The following ARHGAP26 variants were observed in gnomAD, a reference collection of about 807,000 sequenced individuals.
ARHGAP26 encodes rho GTPase-activating protein 26.
A neutral mutation model predicts 104.8 loss-of-function variants in ARHGAP26; 38 were observed. That is an observed-to-expected ratio of 0.36 (90% CI 0.28 to 0.48). The LOEUF is 0.48. Ranked by LOEUF, ARHGAP26 falls within the 20% of genes least tolerant of loss-of-function variation. ARHGAP26 has a pLI of 0.99. For missense variants in ARHGAP26, 704 were observed against 947.9 expected (o/e 0.74, Z 3.38); for synonymous variants, 341 against 340.0 (o/e 1.00, Z -0.03).
chr5:142,781,858 C>T (rs551340013), intron 1 of ARHGAP26, among the ~76,000 whole-genome samples: 90 of 152,198 alleles, frequency 5.9e-4, no homozygotes, highest in African/African-American at 2.0e-3. Flanking sequence ...ACTACAGGTG[C>T]GTGCCACCAT....
chr5:142,917,413 G>A (rs1475790032), intron 10 of ARHGAP26, among the ~76,000 whole-genome samples: 1 of 152,162 alleles, frequency 6.6e-6, no homozygotes, highest in East Asian at 1.9e-4. Flanking sequence ...CAGAGACACC[G>A]CAGTGTCCAG....
Position 142,770,802 on chromosome 5 carries a change from A to G in ARHGAP26, c.41A>G (p.Asp14Gly). Residue 14 changes from aspartate (D) to glycine (G), a missense_variant, in exon 1 of 23, where the codon GAT becomes GGT. This residue lies in a region of ARHGAP26 where 77 missense variants were observed against 82.6 expected (regional missense o/e 0.93). Coordinates refer to ENST00000645722, the MANE Select transcript of ARHGAP26 (RefSeq NM_001135608.3). ...CTCGAGTTCAGCGACTGCTGCCTCG[A>G]TAGTCCGCACTTCCGAGAGACGCTC... ...PALEFSDCCL[D>G]SPHFRETLKS... 1 of 1,599,664 alleles carries G rather than the reference A, an allele frequency of 6.3e-7. No homozygotes were observed. Among genetic ancestry groups the G allele is most frequent in the Non-Finnish European group, 8.5e-7 (1 of 1,172,942 alleles).
At chr5:142,804,505 T>C (rs555732101) in intron 1 of ARHGAP26, among the ~76,000 whole-genome samples, 1 of 152,326 alleles carries the variant, frequency 6.6e-6, no homozygotes, top group South Asian at 2.1e-4. Flanking sequence ...TATTTTTATT[T>C]TTTTGAGACC....
chr5:142,925,459 A>T (rs559075235), intron 10 of ARHGAP26, among the ~76,000 whole-genome samples: 2 of 152,212 alleles, frequency 1.3e-5, no homozygotes, highest in African/African-American at 4.8e-5. Context: ...CTGTAATCTC[A>T]TAAACAGACA....
chr5:143,106,134 T>A (rs1241099359), intron 17 of ARHGAP26, among the ~76,000 whole-genome samples: 1 of 152,224 alleles, frequency 6.6e-6, no homozygotes, highest in Non-Finnish European at 1.5e-5. Context: ...GCTCTTTATA[T>A]AATCCAGCTA....
At chr5:143,105,794 T>C (rs1409748704) in intron 17 of ARHGAP26, among the ~76,000 whole-genome samples, 2 of 152,236 alleles carry the variant, frequency 1.3e-5, no homozygotes, top group Admixed American at 6.5e-5. Flanking sequence ...AACATGTAGC[T>C]GCACCGGGGC....
chr5:143,147,170 T>C lies in ARHGAP26; in HGVS notation c.1838-61T>C, dbSNP rs1300793131. ...TATTCTTTATACATTTTTGTGCATG[T>C]AGCAATAGACTGTCCCTATGCAATA... On this transcript the variant is annotated intron_variant, in intron 19 of 22. Transcript: ENST00000645722. 20 of 1,543,698 alleles carry C rather than the reference T, an allele frequency of 1.3e-5. No individual in the cohort carries two copies. In the South Asian group the frequency reaches 1.7e-4, roughly 13 times the overall value.
intron 11 of ARHGAP26, among the ~76,000 whole-genome samples, chr5:142,996,417 T>G (rs151972): frequency 0.22 from 33,757 of 151,986 alleles, 4,090 homozygotes; most frequent in East Asian, 0.47. Flanking sequence ...TGCTTGAACC[T>G]GGGAGGTGGA....
At chr5:143,117,897 T>TA (rs1394352935) in intron 17 of ARHGAP26, among the ~76,000 whole-genome samples, 1 of 152,240 alleles carries the variant, frequency 6.6e-6, no homozygotes, top group Non-Finnish European at 1.5e-5. Context: ...CTCCTCATCT[T>TA]TTATTGCCTT....
intron 11 of ARHGAP26, among the ~76,000 whole-genome samples, chr5:143,005,897 C>A (rs1366184740): frequency 6.6e-6 from 1 of 152,162 alleles, no homozygotes; most frequent in Non-Finnish European, 1.5e-5. Context: ...ACTGCCTAGT[C>A]TTGAGATGCC....
At chr5:143,035,332 A>G (rs1404327924) in intron 12 of ARHGAP26, among the ~76,000 whole-genome samples, 3 of 152,202 alleles carry the variant, frequency 2.0e-5, no homozygotes, top group Non-Finnish European at 4.4e-5. Context: ...ACTTTGGTGT[A>G]TATATATGAT....
At chr5:143,111,386 T>C (rs538393801) in intron 17 of ARHGAP26, among the ~76,000 whole-genome samples, 1 of 152,346 alleles carries the variant, frequency 6.6e-6, no homozygotes, top group African/African-American at 2.4e-5. Context: ...TGCAGACTTT[T>C]TGGTCTCAAA....
In ARHGAP26 at chr5:143,012,537, TTATATACATACATACATATATA is replaced by T. The variant is rs1403767558; in HGVS notation, c.1108-1536_1108-1515del. Among the ~76,000 whole-genome samples the T allele has an allele frequency of 1.1e-4, 2 of 17,646 alleles. 1 individual carries two copies. The highest frequency in any genetic ancestry group is 3.6e-4 in the African/African-American group (2 of 5,590). 11.6% of individuals were successfully genotyped at this position (17,646 alleles called of 152,430 possible). On this transcript the variant is annotated intron_variant, in intron 11 of 22. Coordinates refer to ENST00000645722, the MANE Select transcript of ARHGAP26 (RefSeq NM_001135608.3). Reference sequence around the variant, plus strand: ...CATTAGAGTCACTGGAGGGATATATTTATATACATACATACATATATATATATATATATATATATTATGATCA... The same window carrying T: ...CATTAGAGTCACTGGAGGGATATATTTATATATATATATATATTATGATCA...
chr5:143,071,965 A>G (rs1291957634), intron 17 of ARHGAP26, among the ~76,000 whole-genome samples: 1 of 152,194 alleles, frequency 6.6e-6, no homozygotes, highest in Non-Finnish European at 1.5e-5. Flanking sequence ...AGTCTTTTAC[A>G]CAACAAAGAA....
intron 5 of ARHGAP26, among the ~76,000 whole-genome samples, chr5:142,890,944 G>GTATCAGTCACCTCGAACATTTATC (rs1562025865): frequency 1.1e-3 from 163 of 151,696 alleles, no homozygotes; most frequent in African/African-American, 3.8e-3. Context: ...TCCTTATAGG[G>GTATCAGTCACCTCGAACATTTATC]ATTTCCTTCT....
intron 17 of ARHGAP26, among the ~76,000 whole-genome samples, chr5:143,095,433 A>G (rs541198308): frequency 6.6e-6 from 1 of 152,154 alleles, no homozygotes; most frequent in Non-Finnish European, 1.5e-5. Context: ...AAGGACTTCA[A>G]CAGCCTTTGT....
At chr5:142,964,922 C>T (rs1158887403) in intron 11 of ARHGAP26, among the ~76,000 whole-genome samples, 2 of 152,024 alleles carry the variant, frequency 1.3e-5, no homozygotes, top group South Asian at 2.1e-4. Context: ...GTGGTGGCCC[C>T]GAATGTCTGG....
At chr5:142,984,083 G>T (rs530317844) in intron 11 of ARHGAP26, among the ~76,000 whole-genome samples, 2 of 152,330 alleles carry the variant, frequency 1.3e-5, no homozygotes, top group South Asian at 4.1e-4. Flanking sequence ...GAGTGAGGAG[G>T]ATCCTTTAGG....
intron 10 of ARHGAP26, among the ~76,000 whole-genome samples, chr5:142,920,879 A>G (rs1336542433): frequency 3.3e-5 from 5 of 152,224 alleles, no homozygotes; most frequent in Non-Finnish European, 7.3e-5. Context: ...AACAAACAAG[A>G]GGACTTTACC....
Sources: gnomAD v4.1 joint callset for allele counts (sites outside exome capture counted in the v4.1 genomes callset) on GRCh38, gnomAD v4.1.1 for gene constraint, gnomAD v4.1.1 regional missense constraint, MANE v1.5 for transcripts, NCBI Gene and HGNC (gene_info 2026-07-23, HGNC 2026-07-21) for gene names.